SCRG1: variants seen among roughly 807,000 people sequenced by gnomAD.
The protein encoded by SCRG1 is scrapie-responsive protein 1.
In SCRG1, 3 loss-of-function variants were observed where a neutral mutation model predicts 7.7. The observed-to-expected ratio is 0.39, with a 90% CI of 0.18 to 1.01. The LOEUF (loss-of-function observed/expected upper bound fraction) is 1.01, where lower values mean the gene tolerates loss of function less well. SCRG1 is among the 50% of genes least tolerant of loss of function. The pLI is 0.36. For missense variants in SCRG1, 110 were observed against 117.2 expected, an observed-to-expected ratio of 0.94 and a Z score of 0.28; for synonymous variants, 46 against 41.2, an observed-to-expected ratio of 1.12 and a Z score of -0.44.
the SCRG1 span, among the ~76,000 whole-genome samples, chr4:173,439,929 G>A: frequency 1.3e-5 from 2 of 152,162 alleles, no homozygotes; most frequent in South Asian, 2.1e-4. Context: ...TGTAATAGGG[G>A]TATTTCTTTT....
chr4:173,410,073 G>A (rs1375059341), upstream of SCRG1, among the ~76,000 whole-genome samples: 5 of 152,176 alleles, frequency 3.3e-5, no homozygotes, highest in Non-Finnish European at 4.4e-5. Context: ...AGGGATCTCC[G>A]TCCCATTTGA....
At chr4:173,513,713 A>T in the SCRG1 span, among the ~76,000 whole-genome samples, 1 of 152,226 alleles carries the variant, frequency 6.6e-6, no homozygotes, top group Non-Finnish European at 1.5e-5. Context: ...AGCTTCCAAG[A>T]CACCATCCTT....
At chr4:173,496,200 A>T in the SCRG1 span, among the ~76,000 whole-genome samples, 3 of 152,194 alleles carry the variant, frequency 2.0e-5, no homozygotes, top group African/African-American at 7.2e-5. Flanking sequence ...ATCCAATGTC[A>T]TTTGCATTAA....
intron 1 of SCRG1, among the ~76,000 whole-genome samples, chr4:173,392,916 C>A (rs1026879729): frequency 6.6e-6 from 1 of 152,100 alleles, no homozygotes; most frequent in Admixed American, 6.6e-5. Flanking sequence ...CATGGCAAAA[C>A]CCTGTCTCTA....
At chr4:173,483,277 A>T in the SCRG1 span, among the ~76,000 whole-genome samples, 17 of 40,572 alleles carry the variant, frequency 4.2e-4, 1 homozygote, top group African/African-American at 8.9e-4. Context: ...TATGATATAT[A>T]ATATATGATA....
At chr4:173,430,671 G>A in the SCRG1 span, among the ~76,000 whole-genome samples, 1 of 151,998 alleles carries the variant, frequency 6.6e-6, no homozygotes, top group Non-Finnish European at 1.5e-5. Context: ...GCCAGGTATG[G>A]TGGCATGCAC....
intron 1 of SCRG1, among the ~76,000 whole-genome samples, chr4:173,396,802 C>A (rs1486890129): frequency 6.6e-6 from 1 of 151,502 alleles, no homozygotes; most frequent in African/African-American, 2.4e-5. Flanking sequence ...CACCTGTAAT[C>A]CCAGCACTCT....
the SCRG1 span, among the ~76,000 whole-genome samples, chr4:173,456,037 C>T: frequency 6.6e-6 from 1 of 152,130 alleles, no homozygotes; most frequent in Non-Finnish European, 1.5e-5. Flanking sequence ...GGAACCCGGT[C>T]TAATAGCACT....
At chr4:173,475,431 C>A in the SCRG1 span, among the ~76,000 whole-genome samples, 1 of 152,146 alleles carries the variant, frequency 6.6e-6, no homozygotes, top group Non-Finnish European at 1.5e-5. Flanking sequence ...GTCAAGAGCA[C>A]CCCTGTTAAA....
chr4:173,476,936 C>A, the SCRG1 span, among the ~76,000 whole-genome samples: 1 of 152,138 alleles, frequency 6.6e-6, no homozygotes, highest in South Asian at 2.1e-4. Flanking sequence ...AATTTTTTCA[C>A]ATGTATGAGA....
chr4:173,494,326 C>A, the SCRG1 span, among the ~76,000 whole-genome samples: 4 of 152,196 alleles, frequency 2.6e-5, no homozygotes, highest in African/African-American at 9.7e-5. Flanking sequence ...GGAAACTTCA[C>A]GGCTTTAATC....
At chr4:173,393,570 C>T (rs923798189) in intron 1 of SCRG1, among the ~76,000 whole-genome samples, 2 of 152,100 alleles carry the variant, frequency 1.3e-5, no homozygotes, top group Non-Finnish European at 2.9e-5. Context: ...TCTGTATGTA[C>T]TTGAGAAGAA....
chr4:173,405,071 A>G (rs1234567254), intron 1 of SCRG1, among the ~76,000 whole-genome samples: 2 of 152,108 alleles, frequency 1.3e-5, no homozygotes, highest in Non-Finnish European at 2.9e-5. Context: ...ATTTGTACTT[A>G]GTTTTTACCT....
Position 173,387,139 on chromosome 4 carries a change from C to G in SCRG1, c.*1202G>C, listed in dbSNP as rs1739268212. On this transcript the variant is annotated 3_prime_UTR_variant, in exon 3 of 3. Transcript: ENST00000296506. ...GTTTTGTTATTCTTAAAAATGGATA[C>G]TTTAGGAAATGTATCATGGTTTTAA... is the stretch of plus-strand genomic sequence containing the variant. 1 of 152,000 alleles carries G rather than the reference C, an allele frequency of 6.6e-6. No homozygotes were observed. Among genetic ancestry groups the G allele is most frequent in the African/African-American group, 2.4e-5 (1 of 41,366 alleles). 9.4% of individuals were successfully genotyped at this position (152,000 alleles called of 1,614,324 possible).
the SCRG1 span, among the ~76,000 whole-genome samples, chr4:173,446,423 A>G: frequency 6.6e-6 from 1 of 152,202 alleles, no homozygotes; most frequent in Admixed American, 6.5e-5. Flanking sequence ...GCCAATTTTA[A>G]TGAAGAATGG....
chr4:173,498,855 C>T, the SCRG1 span, among the ~76,000 whole-genome samples: 2 of 152,090 alleles, frequency 1.3e-5, no homozygotes, highest in Non-Finnish European at 2.9e-5. Flanking sequence ...GATGGCAAAG[C>T]CAGGTCTAAA....
chr4:173,492,443 G>A, the SCRG1 span, among the ~76,000 whole-genome samples: 1 of 151,914 alleles, frequency 6.6e-6, no homozygotes, highest in Non-Finnish European at 1.5e-5. Context: ...CTAAACACCT[G>A]CAGAGTCTAC....
At chr4:173,412,060 C>A in the SCRG1 span, among the ~76,000 whole-genome samples, 92 of 152,326 alleles carry the variant, frequency 6.0e-4, 1 homozygote, top group African/African-American at 2.1e-3. Flanking sequence ...CCCTCCTGAG[C>A]AGCAAGTAGG....
chr4:173,389,914 AG>A (rs1294158764), intron 2 of SCRG1: 1 of 402,744 alleles, frequency 2.5e-6, no homozygotes, highest in Non-Finnish European at 5.2e-6. Context: ...AATTTGAAAA[AG>A]CTAATTTCAA....
Sources: gnomAD v4.1 joint callset for allele counts (sites outside exome capture counted in the v4.1 genomes callset) on GRCh38, gnomAD v4.1.1 for gene constraint, MANE v1.5 for transcripts, NCBI Gene and HGNC (gene_info 2026-07-23, HGNC 2026-07-21) for gene names.